NXNL2: variants seen among roughly 807,000 people sequenced by gnomAD.
NXNL2 encodes nucleoredoxin like 2.
Under a neutral mutation model 11.1 loss-of-function variants are expected in NXNL2, and 7 were observed. The ratio of observed to expected loss-of-function variants is 0.63; its 90% CI spans 0.36 to 1.18. The LOEUF (loss-of-function observed/expected upper bound fraction) is 1.18, where lower values mean the gene tolerates loss of function less well. NXNL2 is among the 50% of genes most tolerant of loss of function. The probability of loss-of-function intolerance (pLI) is 0.02; values close to 1 mark genes in which losing one functional copy is unlikely to be tolerated. For synonymous variants in NXNL2, 109 were observed against 101.8 expected (o/e 1.07, Z -0.42); for missense variants, 233 against 217.7 (o/e 1.07, Z -0.44).
downstream of NXNL2, among the ~76,000 whole-genome samples, chr9:88,578,878 C>A (rs1411478778): frequency 1.3e-5 from 2 of 152,222 alleles, no homozygotes; most frequent in Non-Finnish European, 2.9e-5. Flanking sequence ...CCCAGGCCAT[C>A]TGGGGAGCAG....
At chr9:88,580,547 A>G (rs1200239646), downstream of NXNL2, among the ~76,000 whole-genome samples, 4 of 151,758 alleles carry the variant, frequency 2.6e-5, no homozygotes, top group Non-Finnish European at 5.9e-5. Context: ...TTTTAAAGAG[A>G]TTTTATTCTT....
downstream of NXNL2, among the ~76,000 whole-genome samples, chr9:88,576,191 T>C (rs933507368): frequency 6.6e-6 from 1 of 152,202 alleles, no homozygotes; most frequent in Non-Finnish European, 1.5e-5. Context: ...CGAGACTCCG[T>C]CTCAAAAAGA....
At chr9:88,559,167 G>A (rs1341197819) in intron 1 of NXNL2, among the ~76,000 whole-genome samples, 1 of 152,180 alleles carries the variant, frequency 6.6e-6, no homozygotes, top group East Asian at 1.9e-4. Context: ...ACTTCCAGGT[G>A]GCCTCTGGAG....
downstream of NXNL2, among the ~76,000 whole-genome samples, chr9:88,576,640 G>A (rs1218365982): frequency 6.6e-6 from 1 of 152,150 alleles, no homozygotes; most frequent in South Asian, 2.1e-4. Context: ...GCTATTCCTC[G>A]GGGCCCACAA....
downstream of NXNL2, among the ~76,000 whole-genome samples, chr9:88,580,069 G>T (rs950067532): frequency 2.0e-4 from 30 of 151,968 alleles, no homozygotes; most frequent in African/African-American, 6.8e-4. Flanking sequence ...GAACTGGGAG[G>T]CAGAGGTTGC....
At chr9:88,542,349 C>T (rs906371994) in intron 1 of NXNL2, among the ~76,000 whole-genome samples, 1 of 151,846 alleles carries the variant, frequency 6.6e-6, no homozygotes, top group Admixed American at 6.6e-5. Flanking sequence ...AGTGCAGTGG[C>T]GCGATCTCGG....
chr9:88,570,474 T>C (rs1830244646), intron 1 of NXNL2, among the ~76,000 whole-genome samples: 2 of 152,182 alleles, frequency 1.3e-5, no homozygotes, highest in Admixed American at 1.3e-4. Context: ...GAATAGAATA[T>C]GGAGATGTAC....
chr9:88,558,166 G>A (rs1195219927), intron 1 of NXNL2, among the ~76,000 whole-genome samples: 1 of 152,174 alleles, frequency 6.6e-6, no homozygotes, highest in African/African-American at 2.4e-5. Flanking sequence ...GGAACTTTCA[G>A]CTCCGATGGG....
At chr9:88,557,013 G>A (rs555041752) in intron 1 of NXNL2, among the ~76,000 whole-genome samples, 4 of 150,462 alleles carry the variant, frequency 2.7e-5, no homozygotes, top group East Asian at 3.9e-4. Context: ...CCCGGGAGGC[G>A]GAGGTTGCAG....
downstream of NXNL2, among the ~76,000 whole-genome samples, chr9:88,549,947 C>T (rs533726688): frequency 6.6e-6 from 1 of 152,292 alleles, no homozygotes; most frequent in African/African-American, 2.4e-5. Flanking sequence ...GCCTCAGCCT[C>T]CTGAGTAGCT....
downstream of NXNL2, among the ~76,000 whole-genome samples, chr9:88,548,339 C>A (rs1356042999): frequency 2.6e-4 from 8 of 31,066 alleles, no homozygotes; most frequent in East Asian, 9.8e-3. Flanking sequence ...GACTTTTTCT[C>A]AAAAAAAAAA....
At chr9:88,553,471 C>T (rs1829970187) in intron 1 of NXNL2, among the ~76,000 whole-genome samples, 1 of 152,234 alleles carries the variant, frequency 6.6e-6, no homozygotes, top group Non-Finnish European at 1.5e-5. Flanking sequence ...TCCCCACCCT[C>T]CTTCTCCTTG....
intron 1 of NXNL2, among the ~76,000 whole-genome samples, chr9:88,556,053 G>T (rs1015000855): frequency 6.6e-6 from 1 of 152,178 alleles, no homozygotes; most frequent in African/African-American, 2.4e-5. Context: ...CCAGAAACTC[G>T]GAGACACAGC....
chr9:88,535,484 C>T lies in NXNL2; in HGVS notation c.50C>T (p.Thr17Met). The T allele has an allele frequency of 1.9e-6, 3 of 1,609,108 alleles. No homozygotes were observed. Among genetic ancestry groups the T allele is most frequent in the Non-Finnish European group, 2.5e-6 (3 of 1,178,626 alleles). Residue 17 changes from threonine (T) to methionine (M), a missense_variant, in exon 1 of 2, where the codon ACG (threonine) becomes ATG (methionine). By Grantham distance (81) the Thr-to-Met change is moderately conservative (BLOSUM62 -1). Coordinates refer to ENST00000375854, the MANE Select transcript of NXNL2 (RefSeq NM_001161625.2). ...ERHLVTCKGA[T>M]VEAEAALQNK... ...CACCTGGTGACCTGTAAGGGCGCGA[C>T]GGTGGAGGCCGAGGCGGCGCTGCAG... is the stretch of plus-strand genomic sequence containing the variant.
intron 1 of NXNL2, among the ~76,000 whole-genome samples, chr9:88,540,256 T>G (rs1054299348): frequency 6.6e-6 from 1 of 150,952 alleles, no homozygotes; most frequent in East Asian, 2.0e-4. Context: ...GGCGTGAACC[T>G]GGGAGGCGGA....
intron 1 of NXNL2, among the ~76,000 whole-genome samples, chr9:88,558,427 T>G (rs1157976011): frequency 6.6e-6 from 1 of 152,188 alleles, no homozygotes. Flanking sequence ...TTACATAATC[T>G]GTATCCTTTT....
At chr9:88,566,857 T>C (rs567656203) in intron 1 of NXNL2, among the ~76,000 whole-genome samples, 32 of 152,328 alleles carry the variant, frequency 2.1e-4, no homozygotes, top group African/African-American at 7.7e-4. Flanking sequence ...TTTGATGCTA[T>C]TGAAAATGGT....
intron 1 of NXNL2, among the ~76,000 whole-genome samples, chr9:88,562,256 A>G (rs1009728423): frequency 6.6e-6 from 1 of 152,114 alleles, no homozygotes; most frequent in East Asian, 1.9e-4. Context: ...TAAAAGTCAG[A>G]TAGTGCTCAC....
chr9:88,582,447 C>A (rs571181869), intron 1 of NXNL2, among the ~76,000 whole-genome samples: 91 of 151,346 alleles, frequency 6.0e-4, no homozygotes, highest in African/African-American at 2.1e-3. Context: ...CCAGCCTGGG[C>A]GACAGAGAGA....
Sources: allele counts gnomAD v4.1 joint callset (sites outside exome capture counted in the v4.1 genomes callset), GRCh38; gene constraint gnomAD v4.1.1; transcripts MANE v1.5; gene names NCBI Gene and HGNC (gene_info 2026-07-23, HGNC 2026-07-21).